Variants in PIBF1 observed in about 807,000 individuals in gnomAD.
PIBF1 encodes progesterone immunomodulatory binding factor 1.
A neutral mutation model predicts 112.5 loss-of-function variants in PIBF1; 90 were observed. The observed-to-expected ratio is 0.80, with a 90% confidence interval of 0.67 to 0.95. PIBF1 has a LOEUF of 0.95. Ranked by LOEUF, PIBF1 falls within the 40% of genes least tolerant of loss-of-function variation. The pLI is 0.00. For missense variants in PIBF1, 915 were observed against 852.3 expected (o/e 1.07, Z -0.92); for synonymous variants, 301 against 288.6 (o/e 1.04, Z -0.44).
At chr13:72,875,029 A>G (rs2039336606) in intron 10 of PIBF1, among the ~76,000 whole-genome samples, 1 of 151,928 alleles carries the variant, frequency 6.6e-6, no homozygotes, top group South Asian at 2.1e-4. Context: ...AGGGTTGTAC[A>G]TTCTGTATGT....
At chr13:72,818,187 C>T (rs1303664063) in intron 5 of PIBF1, among the ~76,000 whole-genome samples, 2 of 152,164 alleles carry the variant, frequency 1.3e-5, no homozygotes, top group African/African-American at 2.4e-5. Flanking sequence ...ATGATCTTTA[C>T]CTTTTTAGAT....
intron 14 of PIBF1, among the ~76,000 whole-genome samples, chr13:72,950,459 T>C (rs1468321885): frequency 4.6e-5 from 7 of 152,196 alleles, no homozygotes; most frequent in Non-Finnish European, 1.0e-4. Flanking sequence ...CTGCAATAAA[T>C]AGCAAGAATT....
At chr13:72,977,295 C>T (rs2043047202) in intron 16 of PIBF1, among the ~76,000 whole-genome samples, 1 of 152,148 alleles carries the variant, frequency 6.6e-6, no homozygotes, top group Non-Finnish European at 1.5e-5. Context: ...ACCTCCACCT[C>T]CCTGGTTCAA....
At chr13:72,803,241 GT>G (rs772988586) in intron 5 of PIBF1, among the ~76,000 whole-genome samples, 3 of 146,998 alleles carry the variant, frequency 2.0e-5, no homozygotes, top group African/African-American at 7.8e-5. Flanking sequence ...TTTTTTTTTT[GT>G]TTTTTTGTTT....
At chr13:72,892,123 C>G (rs917316300) in intron 10 of PIBF1, among the ~76,000 whole-genome samples, 1 of 151,870 alleles carries the variant, frequency 6.6e-6, no homozygotes, top group African/African-American at 2.4e-5. Flanking sequence ...TGTAAATAAG[C>G]TAAAAACCAC....
intron 11 of PIBF1, among the ~76,000 whole-genome samples, chr13:72,898,463 A>T (rs1461277032): frequency 1.3e-5 from 2 of 152,050 alleles, no homozygotes; most frequent in Non-Finnish European, 2.9e-5. Flanking sequence ...AGATCAGAGC[A>T]GAACTAAATG....
intron 2 of PIBF1, among the ~76,000 whole-genome samples, chr13:72,786,731 G>C (rs967546992): frequency 6.6e-6 from 1 of 152,132 alleles, no homozygotes; most frequent in Admixed American, 6.6e-5. Context: ...GTACTGCCAG[G>C]TTATCTCCAA....
At chr13:72,836,438 AT>A (rs1398377601) in intron 9 of PIBF1, among the ~76,000 whole-genome samples, 1 of 152,154 alleles carries the variant, frequency 6.6e-6, no homozygotes, top group Non-Finnish European at 1.5e-5. Flanking sequence ...GTAGCAGAAA[AT>A]TTGGTATGTC....
chr13:72,793,469 G>C (rs1454322398), intron 3 of PIBF1, among the ~76,000 whole-genome samples: 3 of 152,178 alleles, frequency 2.0e-5, no homozygotes, highest in African/African-American at 7.2e-5. Flanking sequence ...TTTCTGACTT[G>C]TGGGGGTGGG....
intron 5 of PIBF1, among the ~76,000 whole-genome samples, chr13:72,818,029 C>T (rs2036368952): frequency 6.6e-6 from 1 of 151,456 alleles, no homozygotes. Context: ...TTTATACTTG[C>T]ATATGGTGTT....
intron 9 of PIBF1, among the ~76,000 whole-genome samples, chr13:72,838,117 C>G (rs189260156): frequency 6.6e-6 from 1 of 152,182 alleles, no homozygotes; most frequent in Non-Finnish European, 1.5e-5. Flanking sequence ...CATTTGCACC[C>G]TCATGTAATT....
chr13:72,930,652 C>CT (rs1410279718), intron 13 of PIBF1, among the ~76,000 whole-genome samples: 1 of 152,054 alleles, frequency 6.6e-6, no homozygotes, highest in African/African-American at 2.4e-5. Context: ...TAGACATTCT[C>CT]TAAGTTTTAT....
At chr13:72,925,542 C>CTTTTTTTTTTTTTTTTTTTTTTTTT in intron 13 of PIBF1, among the ~76,000 whole-genome samples, 1 of 102,032 alleles carries the variant, frequency 9.8e-6, no homozygotes, top group Non-Finnish European at 1.9e-5. Context: ...CTTTCTCTCT[C>CTTTTTTTTTTTTTTTTTTTTTTTTT]TTTTTTTTTT....
At chr13:72,995,049 C>G (rs949542414) in intron 16 of PIBF1, among the ~76,000 whole-genome samples, 10 of 152,052 alleles carry the variant, frequency 6.6e-5, no homozygotes, top group Admixed American at 6.6e-5. Context: ...CACCTGTAAT[C>G]CCAGCATTTT....
intron 10 of PIBF1, among the ~76,000 whole-genome samples, chr13:72,888,103 A>G (rs2039926580): frequency 6.6e-6 from 1 of 152,120 alleles, no homozygotes; most frequent in Non-Finnish European, 1.5e-5. Context: ...AGTAAAGCCC[A>G]TTGAATTTGG....
chr13:72,928,006 C>CACACATATACATAT (rs750684543), intron 13 of PIBF1, among the ~76,000 whole-genome samples: 14 of 101,804 alleles, frequency 1.4e-4, no homozygotes, highest in African/African-American at 5.6e-4. Flanking sequence ...CATATATATA[C>CACACATATACATAT]ATATATATAC....
intron 5 of PIBF1, among the ~76,000 whole-genome samples, chr13:72,799,016 C>G (rs906689310): frequency 1.6e-4 from 25 of 152,240 alleles, no homozygotes; most frequent in African/African-American, 5.5e-4. Context: ...GGCAGTGAAC[C>G]CAAGAGAGGC....
At position 72,827,742 on chromosome 13, in the gene PIBF1, T is replaced by C. The variant is rs1041523825; in HGVS notation, c.925T>C (p.Leu309=). The change falls in exon 8 of 18, where the codon TTA becomes CTA. Residue 309 remains leucine, a synonymous_variant. Coordinates refer to ENST00000326291, the MANE Select transcript of PIBF1 (RefSeq NM_006346.4). Reference sequence around the variant, plus strand: ...TTCTACATGTATGTAGGTAGTCACCTTAGAGCAAACTGTTACTTTACTGCA... The same window carrying C: ...TTCTACATGTATGTAGGTAGTCACCCTAGAGCAAACTGTTACTTTACTGCA... ...RSELSKEVVT[L]EQTVTLLQKD... is the part of the protein sequence containing the mutation. 4 of 1,583,314 alleles carry C rather than the reference T, an allele frequency of 2.5e-6. No homozygotes were observed. In the African/African-American group the frequency reaches 5.4e-5, roughly 21 times the overall value.
intron 14 of PIBF1, among the ~76,000 whole-genome samples, chr13:72,946,471 A>C (rs1386791402): frequency 6.6e-6 from 1 of 152,130 alleles, no homozygotes; most frequent in East Asian, 1.9e-4. Context: ...ATGTCCTCAT[A>C]TTTCAAAACA....
Sources: gnomAD v4.1 joint callset for allele counts (sites outside exome capture counted in the v4.1 genomes callset) on GRCh38, gnomAD v4.1.1 for gene constraint, MANE v1.5 for transcripts, NCBI Gene and HGNC (gene_info 2026-07-23, HGNC 2026-07-21) for gene names.